MICU1: variants seen among roughly 807,000 people sequenced by gnomAD.
The protein encoded by MICU1 is calcium uptake protein 1, mitochondrial.
A neutral mutation model predicts 56.8 loss-of-function variants in MICU1; 45 were observed. That is an observed-to-expected ratio of 0.79 (90% CI 0.62 to 1.02). The LOEUF is 1.02. Among genes scored for constraint, MICU1 ranks in the 50% least tolerant of loss-of-function variants. MICU1 has a pLI of 0.00. For missense variants in MICU1, 504 were observed against 587.1 expected, an observed-to-expected ratio of 0.86 and a Z score of 1.46; for synonymous variants, 186 against 195.1, an observed-to-expected ratio of 0.95 and a Z score of 0.39.
chr10:72,388,874 A>G (rs549074318), intron 10 of MICU1, among the ~76,000 whole-genome samples: 2 of 152,350 alleles, frequency 1.3e-5, no homozygotes, highest in South Asian at 4.1e-4. Context: ...TGGGAATTAG[A>G]GAGACCTGAG....
At chr10:72,583,808 T>C (rs556101630) in intron 1 of MICU1, among the ~76,000 whole-genome samples, 1 of 152,348 alleles carries the variant, frequency 6.6e-6, no homozygotes, top group East Asian at 1.9e-4. Flanking sequence ...TTGAAGACAC[T>C]AGAATGACTG....
At position 72,539,877 on chromosome 10, in the gene MICU1, A is replaced by T. The variant is rs1015033536; in HGVS notation, c.494-6088T>A. Among the ~76,000 whole-genome samples the T allele has an allele frequency of 2.0e-5, 3 of 152,228 alleles. No individual in the cohort carries two copies. The East Asian group carries it at 5.8e-4, about 29-fold the overall frequency. ...TATATTCTTGGAGAGAAGATAAATT[A>T]TTCTATCAACTCTGGAAATCAATTT... On this transcript the variant is annotated intron_variant, in intron 4 of 11. Coordinates refer to ENST00000361114, the MANE Select transcript of MICU1 (RefSeq NM_001195518.2).
At chr10:72,379,135 G>A (rs576937760) in intron 10 of MICU1, among the ~76,000 whole-genome samples, 7 of 152,280 alleles carry the variant, frequency 4.6e-5, no homozygotes, top group South Asian at 4.1e-4. Context: ...TAACTAAACT[G>A]TCCACAGAAG....
At position 72,379,425 on chromosome 10, in the gene MICU1, T is replaced by C. The variant is rs916301250; in HGVS notation, c.1181-3553A>G. On this transcript the variant is annotated intron_variant, in intron 10 of 11. Coordinates refer to ENST00000361114, the MANE Select transcript of MICU1 (RefSeq NM_001195518.2). Reference sequence around the variant, plus strand: ...TTCTGTATTAGATAAACATGAACACTTTCTGTTAACCATTCCTTTTTCTGC... The same window carrying C: ...TTCTGTATTAGATAAACATGAACACCTTCTGTTAACCATTCCTTTTTCTGC... 52 of 263,010 alleles carry C rather than the reference T, an allele frequency of 2.0e-4. 2 individuals carry two copies. The highest frequency in any genetic ancestry group is 1.7e-3 in the South Asian group (52 of 29,930). 16.3% of individuals were successfully genotyped at this position (263,010 alleles called of 1,614,324 possible). A position where few individuals can be genotyped will look rare whatever the true frequency, so the allele number is the denominator to read the frequency against.
At chr10:72,603,831 A>G (rs1436099122) in intron 1 of MICU1, among the ~76,000 whole-genome samples, 3 of 152,148 alleles carry the variant, frequency 2.0e-5, no homozygotes, top group Admixed American at 1.3e-4. Context: ...AAACAAACAA[A>G]CAAAAAAACA....
At chr10:72,505,807 C>T (rs1004663475) in intron 6 of MICU1, among the ~76,000 whole-genome samples, 1 of 152,072 alleles carries the variant, frequency 6.6e-6, no homozygotes, top group African/African-American at 2.4e-5. Context: ...CTAGGGACTA[C>T]TACAGAGGGT....
At chr10:72,518,096 G>A (rs1183020153) in intron 5 of MICU1, among the ~76,000 whole-genome samples, 1 of 151,268 alleles carries the variant, frequency 6.6e-6, no homozygotes, top group Non-Finnish European at 1.5e-5. Context: ...GCAATGGTGA[G>A]ATCTCAGCTC....
At chr10:72,595,209 G>A (rs1467512943) in intron 1 of MICU1, among the ~76,000 whole-genome samples, 3 of 142,200 alleles carry the variant, frequency 2.1e-5, no homozygotes, top group East Asian at 3.9e-4. Flanking sequence ...TTAGCACTTC[G>A]GGGAGGCCAA....
intron 10 of MICU1, among the ~76,000 whole-genome samples, chr10:72,383,171 A>G (rs1388944052): frequency 6.6e-6 from 1 of 151,196 alleles, no homozygotes; most frequent in African/African-American, 2.4e-5. Context: ...ACCTGAGCCC[A>G]GGAGTTCAAG....
chr10:72,374,041 C>G (rs1228284665), intron 11 of MICU1, among the ~76,000 whole-genome samples: 5 of 152,208 alleles, frequency 3.3e-5, no homozygotes, highest in Non-Finnish European at 7.3e-5. Flanking sequence ...GAGAGTGAGG[C>G]CATCTCTTTA....
rs188513177 is a variant in MICU1 at position 72,594,053 on chromosome 10, C to T, written c.-1-27259G>A. Among the ~76,000 whole-genome samples the T allele has an allele frequency of 1.8e-4, 27 of 152,236 alleles. No individual in the cohort carries two copies. In the East Asian group the frequency reaches 4.4e-3, roughly 25 times the overall value. ...TACAGAATCTCAAGAGACTGAATAG[C>T]CAAAATAAGCTTGAAAAAGAGAAAC... is the stretch of plus-strand genomic sequence containing the variant. On this transcript the variant is annotated intron_variant, in intron 1 of 11. Transcript: ENST00000361114.
Position 72,524,655 on chromosome 10 carries a change from C to A in MICU1, c.537+9091G>T, listed in dbSNP as rs977873658. ...GCAGGGCAAGGACATATGCATCATGCGCTGAACCTTTGTTCCTGAAGCATT... is the reference window on the plus strand; with the variant it reads ...GCAGGGCAAGGACATATGCATCATGAGCTGAACCTTTGTTCCTGAAGCATT... On this transcript the variant is annotated intron_variant, in intron 5 of 11. Coordinates refer to ENST00000361114, the MANE Select transcript of MICU1 (RefSeq NM_001195518.2). 8 of 1,017,078 alleles carry A rather than the reference C, an allele frequency of 7.9e-6. No individual in the cohort carries two copies. The East Asian group carries it at 2.0e-4, about 25-fold the overall frequency. The allele number at this position is 1,017,078 out of a possible 1,614,324, so 63.0% of individuals were successfully genotyped here.
At chr10:72,420,496 T>C (rs1344046839) in intron 9 of MICU1, among the ~76,000 whole-genome samples, 1 of 152,188 alleles carries the variant, frequency 6.6e-6, no homozygotes. Flanking sequence ...AGCATGAGAA[T>C]GGACTAATAC....
chr10:72,508,907 T>C (rs1239211470), intron 5 of MICU1, among the ~76,000 whole-genome samples: 1 of 152,190 alleles, frequency 6.6e-6, no homozygotes, highest in Non-Finnish European at 1.5e-5. Context: ...TGGAGGCTCC[T>C]AGATGTCAGC....
At chr10:72,461,889 G>A (rs1199735680) in intron 8 of MICU1, among the ~76,000 whole-genome samples, 1 of 152,190 alleles carries the variant, frequency 6.6e-6, no homozygotes, top group African/African-American at 2.4e-5. Flanking sequence ...GGCGGAGGTT[G>A]CAGTGAGCCG....
chr10:72,590,769 C>T (rs1448994328), intron 1 of MICU1, among the ~76,000 whole-genome samples: 4 of 151,262 alleles, frequency 2.6e-5, no homozygotes, highest in East Asian at 1.9e-4. Flanking sequence ...GCTGAGATCG[C>T]GCCACTGCAT....
chr10:72,371,156 C>T (rs536558951), intron 11 of MICU1, among the ~76,000 whole-genome samples: 28 of 151,486 alleles, frequency 1.8e-4, no homozygotes, highest in African/African-American at 5.8e-4. Flanking sequence ...GAGGCCGAGA[C>T]GGGCGGATCA....
intron 8 of MICU1, among the ~76,000 whole-genome samples, chr10:72,450,998 G>GGGATTTA (rs1865279782): frequency 6.7e-6 from 1 of 149,454 alleles, no homozygotes; most frequent in African/African-American, 2.5e-5. Flanking sequence ...TTACAGGCGT[G>GGGATTTA]AGCTACTGCG....
chr10:72,368,147 G>A lies in MICU1; in HGVS notation c.*48C>T, dbSNP rs769261158. On this transcript the variant is annotated 3_prime_UTR_variant, in exon 12 of 12. Coordinates refer to ENST00000361114, the MANE Select transcript of MICU1 (RefSeq NM_001195518.2). ...AGGGCTCTGCCGAGACTCTGCGGAG[G>A]GGGTCCAGGGTACTGGGGGTGGAGG... 1.3e-6 allele frequency: 2 copies of A among 1,574,280 alleles called. No homozygotes were observed. Among genetic ancestry groups the A allele is most frequent in the Non-Finnish European group, 1.7e-6 (2 of 1,153,230 alleles).
Sources: allele counts gnomAD v4.1 joint callset (sites outside exome capture counted in the v4.1 genomes callset), GRCh38; gene constraint gnomAD v4.1.1; transcripts MANE v1.5; gene names NCBI Gene and HGNC (gene_info 2026-07-23, HGNC 2026-07-21).